Variants in TFRC observed in about 807,000 individuals in gnomAD.
The protein encoded by TFRC is transferrin receptor.
TFRC carries 35 observed loss-of-function variants against 85.8 expected under a neutral mutation model. That is an observed-to-expected ratio of 0.41 (90% CI 0.31 to 0.54). The LOEUF (loss-of-function observed/expected upper bound fraction) is 0.54. TFRC is among the 20% of genes least tolerant of loss of function. TFRC has a pLI of 0.31. For synonymous variants in TFRC, 362 were observed against 328.6 expected (o/e 1.10, Z -1.10); for missense variants, 828 against 921.5 (o/e 0.90, Z 1.31).
At position 196,073,879 on chromosome 3, in the gene TFRC, C is replaced by G. The variant is rs373705681; in HGVS notation, c.434+51G>C. Reference sequence around the variant, plus strand: ...CCATTATTGTTTCCCCGTGGCCTATCATAATTCTTGAATTACTTGTCTAGA... The same window carrying G: ...CCATTATTGTTTCCCCGTGGCCTATGATAATTCTTGAATTACTTGTCTAGA... On this transcript the variant is annotated intron_variant, in intron 4 of 18. Transcript: ENST00000360110. 29 of 1,560,248 alleles carry G rather than the reference C, an allele frequency of 1.9e-5. No individual in the cohort carries two copies. The African/African-American group carries it at 3.8e-4, about 20-fold the overall frequency.
chr3:196,071,467 T>G lies in TFRC; in HGVS notation c.616A>C (p.Asn206His). The change falls in exon 6 of 19, where the codon AAC becomes CAC. Residue 206 changes from asparagine to histidine, a missense_variant. By Grantham distance (68) the Asn-to-His change is moderately conservative (BLOSUM62 1). Coordinates refer to ENST00000360110, the MANE Select transcript of TFRC (RefSeq NM_001128148.3). ...AQNSVIIVDKNGRLVYLVENP... is the reference protein window; with the variant it reads ...AQNSVIIVDKHGRLVYLVENP... ...TCCACCAGGTAAACAAGTCTACCGT[T>G]CTTATCAACTATGATCACCGAGTTT... The G allele has an allele frequency of 6.2e-7, 1 of 1,614,132 alleles. No homozygotes were observed. The highest frequency in any genetic ancestry group is 2.2e-5 in the East Asian group (1 of 44,878).
intron 1 of TFRC, among the ~76,000 whole-genome samples, chr3:196,077,822 A>G (rs1039878317): frequency 1.3e-5 from 2 of 152,200 alleles, no homozygotes; most frequent in African/African-American, 4.8e-5. Context: ...CAGTTATGCT[A>G]CAAATACCAC....
intron 6 of TFRC, 112 bp downstream of exon 6, chr3:196,071,284 T>C (rs1718179804): frequency 2.0e-6 from 2 of 1,025,590 alleles, no homozygotes; most frequent in Non-Finnish European, 2.9e-6. Context: ...AACCAAAATA[T>C]CTCATGATCA....
chr3:196,065,418 G>GGGC (rs1717641283), intron 10 of TFRC, 25 bp downstream of exon 10: 2 of 6,884 alleles, frequency 2.9e-4, no homozygotes, highest in Non-Finnish European at 5.0e-4. Context: ...AAAGCGGGGC[G>GGGC]GGGGGGGGGG....
intron 4 of TFRC, among the ~76,000 whole-genome samples, chr3:196,072,543 C>A (rs552625691): frequency 2.6e-4 from 39 of 152,304 alleles, no homozygotes; most frequent in African/African-American, 9.1e-4. Flanking sequence ...TGAAGCAGAA[C>A]TGCTCCTTGG....
chr3:196,058,205 G>A lies in TFRC; in HGVS notation c.1677+79C>T, dbSNP rs41297515. 1,252 of 1,183,098 alleles carry A rather than the reference G, an allele frequency of 1.1e-3. 3 individuals are homozygous for A. The highest frequency in any genetic ancestry group is 1.5e-3 in the Non-Finnish European group (1,198 of 803,620). The allele number at this position is 1,183,098 out of a possible 1,614,324, so 73.3% of individuals were successfully genotyped here. On this transcript the variant is annotated intron_variant, in intron 16 of 18. Transcript: ENST00000360110. ...TGACTATAGCACAGGCATTCCCATT[G>A]CAATGCCCTATTCCCAAATACAGAT... is the stretch of plus-strand genomic sequence containing the variant.
intron 16 of TFRC, 65 bp from the exon 17 acceptor site, chr3:196,055,366 C>T: frequency 7.1e-7 from 1 of 1,416,572 alleles, no homozygotes; most frequent in Non-Finnish European, 1.0e-6. Flanking sequence ...CACATTCTGG[C>T]TTCGCCATCG....
intron 13 of TFRC, among the ~76,000 whole-genome samples, chr3:196,060,898 C>G (rs140976905): frequency 6.6e-6 from 1 of 151,858 alleles, no homozygotes; most frequent in Admixed American, 6.6e-5. Context: ...CCACTGCCCC[C>G]ACACATGTGC....
intron 4 of TFRC, chr3:196,073,015 C>T: frequency 7.6e-6 from 1 of 132,360 alleles, no homozygotes; most frequent in South Asian, 2.4e-4. Flanking sequence ...GCCTGGCCAA[C>T]ATGGTGAAAT....
intron 14 of TFRC, among the ~76,000 whole-genome samples, chr3:196,059,250 G>A (rs946957104): frequency 1.5e-4 from 23 of 152,154 alleles, no homozygotes; most frequent in African/African-American, 5.6e-4. Flanking sequence ...GGAGGTGGAG[G>A]CTGCAGTGAG....
intron 17 of TFRC, among the ~76,000 whole-genome samples, chr3:196,054,738 T>A (rs1016231453): frequency 2.0e-5 from 3 of 152,226 alleles, no homozygotes; most frequent in Non-Finnish European, 4.4e-5. Context: ...CTGTGCTGTC[T>A]TTCCATCCGG....
At chr3:196,053,298 T>A in intron 18 of TFRC, 120 bp downstream of exon 18, 2 of 1,118,490 alleles carry the variant, frequency 1.8e-6, no homozygotes, top group Non-Finnish European at 2.6e-6. Context: ...AGCTAAACCA[T>A]TAATGCTCCC....
At position 196,051,308 on chromosome 3, in the gene TFRC, CATAA is replaced by C. The variant is rs576409185; in HGVS notation, c.*630_*633del. ...TCTTTGGCTTCTGGTCCCCTCTTTT[CATAA>C]ATGACACTGAGGTTAACATATTAAG... On this transcript the variant is annotated 3_prime_UTR_variant, in exon 19 of 19. Transcript: ENST00000360110. The C allele has an allele frequency of 1.8e-4, 39 of 220,118 alleles. No individual in the cohort carries two copies. The East Asian group carries it at 2.4e-3, about 14-fold the overall frequency. The allele number at this position is 220,118 out of a possible 1,614,324, so 13.6% of individuals were successfully genotyped here.
rs770759846 is a variant in TFRC at position 196,051,948 on chromosome 3, C to T, written c.2277G>A (p.Glu759=). The T allele has an allele frequency of 3.7e-6, 6 of 1,614,052 alleles. No homozygotes were observed. The highest frequency in any genetic ancestry group is 1.6e-4 in the Middle Eastern group (1 of 6,084). Residue 759 remains glutamate (E), a synonymous_variant, in exon 19 of 19, where the codon GAG becomes GAA. Coordinates refer to ENST00000360110, the MANE Select transcript of TFRC (RefSeq NM_001128148.3). ...LSGDVWDIDN[E]F The stretch of plus-strand genomic sequence containing the variant: ...GAAGCTATGGGTATCACATTTAAAA[C>T]TCATTGTCAATGTCCCAAACGTCAC...
chr3:196,060,331 A>G, intron 13 of TFRC, 84 bp from the exon 14 acceptor site: 1 of 1,161,686 alleles, frequency 8.6e-7, no homozygotes, highest in Non-Finnish European at 1.3e-6. Context: ...AGTACTTGAC[A>G]AATAAGACAG....
In TFRC at chr3:196,053,138, AGG is replaced by A. The variant is rs776449610; in HGVS notation, c.2040+278_2040+279del. ...TCAAAAAAAAAAAAAATTTTTTTAA[AGG>A]AAACTGATTCATTTTACAAAGGAAA... is the stretch of plus-strand genomic sequence containing the variant. On this transcript the variant is annotated intron_variant, in intron 18 of 18. Transcript: ENST00000360110. Among the ~76,000 whole-genome samples the A allele has an allele frequency of 7.4e-4, 113 of 152,280 alleles. 2 individuals carry two copies. The highest frequency in any genetic ancestry group is 1.9e-3 in the South Asian group (9 of 4,828).
Position 196,051,703 on chromosome 3 carries a change from C to A in TFRC, c.*239G>T. The A allele has an allele frequency of 2.0e-6, 1 of 488,858 alleles. No individual in the cohort carries two copies. The highest frequency in any genetic ancestry group is 3.6e-6 in the Non-Finnish European group (1 of 276,528). 30.3% of individuals were successfully genotyped at this position (488,858 alleles called of 1,614,324 possible). On this transcript the variant is annotated 3_prime_UTR_variant, in exon 19 of 19. Transcript: ENST00000360110. Reference sequence around the variant, plus strand: ...TTCCCATTACAAAGCACTTAAAATTCTAGAGATAGGGGAATATTCCATCAT... The same window carrying A: ...TTCCCATTACAAAGCACTTAAAATTATAGAGATAGGGGAATATTCCATCAT...
chr3:196,073,034 T>C (rs1311719947), intron 4 of TFRC, among the ~76,000 whole-genome samples: 1 of 39,092 alleles, frequency 2.6e-5, no homozygotes. Context: ...ATCCCGTTTC[T>C]GCAAAAAAAA....
In TFRC at chr3:196,075,149, T is replaced by C; in HGVS notation, c.238+10A>G. The stretch of plus-strand genomic sequence containing the variant: ...TAGAAAACATTGAAGTTTGGAATGG[T>C]CATTCTCACCAATCAAGAAAAAGAC... On this transcript the variant is annotated intron_variant, in intron 3 of 18. Coordinates refer to ENST00000360110, the MANE Select transcript of TFRC (RefSeq NM_001128148.3). 10 of 1,612,598 alleles carry C rather than the reference T, an allele frequency of 6.2e-6. No individual in the cohort carries two copies. Among genetic ancestry groups the C allele is most frequent in the African/African-American group, 1.3e-5 (1 of 74,840 alleles).
Sources: gnomAD v4.1 joint callset for allele counts (sites outside exome capture counted in the v4.1 genomes callset) on GRCh38, gnomAD v4.1.1 for gene constraint, MANE v1.5 for transcripts, NCBI Gene and HGNC (gene_info 2026-07-23, HGNC 2026-07-21) for gene names.